The following BICC1 variants were observed in gnomAD, a reference collection of about 807,000 sequenced individuals.
BICC1 encodes the protein BicC family RNA binding protein 1.
BICC1 carries 43 observed loss-of-function variants against 111.0 expected under a neutral mutation model. The ratio of observed to expected loss-of-function variants is 0.39; its 90% CI spans 0.30 to 0.50. BICC1 has a LOEUF of 0.50. Among genes scored for constraint, BICC1 ranks in the 20% least tolerant of loss-of-function variants. The pLI is 0.88. For synonymous variants in BICC1, 467 were observed against 434.4 expected, an observed-to-expected ratio of 1.07 and a Z score of -0.93; for missense variants, 1,091 against 1,203.2, an observed-to-expected ratio of 0.91 and a Z score of 1.38.
intron 3 of BICC1, among the ~76,000 whole-genome samples, chr10:58,774,950 T>C (rs747124933): frequency 1.3e-5 from 2 of 152,222 alleles, no homozygotes; most frequent in Non-Finnish European, 2.9e-5. Flanking sequence ...CAGAAGATCA[T>C]CTTTCTTGTT....
intron 2 of BICC1, among the ~76,000 whole-genome samples, chr10:58,691,731 C>T (rs1461601727): frequency 2.6e-5 from 4 of 152,204 alleles, no homozygotes; most frequent in Non-Finnish European, 5.9e-5. Flanking sequence ...CCATTTTCCA[C>T]AGCCCTCGCT....
intron 3 of BICC1, among the ~76,000 whole-genome samples, chr10:58,730,154 G>A (rs1841242796): frequency 1.3e-5 from 2 of 152,186 alleles, no homozygotes; most frequent in Admixed American, 6.5e-5. Context: ...TGAAGGTATA[G>A]GCATTAGGTA....
At chr10:58,527,934 CAG>C (rs2131845068) in intron 1 of BICC1, among the ~76,000 whole-genome samples, 1 of 152,034 alleles carries the variant, frequency 6.6e-6, no homozygotes, top group East Asian at 1.9e-4. Flanking sequence ...CTTTACAAAA[CAG>C]AATAATAATA....
intron 1 of BICC1, among the ~76,000 whole-genome samples, chr10:58,565,929 C>G (rs868092679): frequency 6.6e-6 from 1 of 152,152 alleles, no homozygotes; most frequent in South Asian, 2.1e-4. Context: ...GCACTGCACA[C>G]TGTACCCAAT....
intron 3 of BICC1, among the ~76,000 whole-genome samples, chr10:58,750,033 A>G (rs1356436919): frequency 1.3e-5 from 2 of 152,140 alleles, no homozygotes; most frequent in Admixed American, 1.3e-4. Flanking sequence ...GGTGTTTGAC[A>G]TGGACTTTGA....
chr10:58,745,602 G>GCGC (rs1554827822), intron 3 of BICC1, among the ~76,000 whole-genome samples: 1 of 78,696 alleles, frequency 1.3e-5, no homozygotes, highest in Non-Finnish European at 2.3e-5. Context: ...GCCCCCCACC[G>GCGC]CCCCCCCCCC....
rs151173136 is a variant in BICC1 at position 58,699,393 on chromosome 10, A to T, written c.238-2681A>T. ...ATGGCAGTTACCTGCTGCTCTTAGG[A>T]TATTTTCTCTGGCATATTATTTTCT... is the stretch of plus-strand genomic sequence containing the variant. On this transcript the variant is annotated intron_variant, in intron 2 of 20. Transcript: ENST00000373886. 7.0e-3 allele frequency among the ~76,000 whole-genome samples: 1,065 copies of T among 152,264 alleles called. 11 individuals carry two copies. The highest frequency in any genetic ancestry group is 0.024 in the African/African-American group (1,008 of 41,546).
chr10:58,716,084 G>A, intron 3 of BICC1: 2 of 1,488,212 alleles, frequency 1.3e-6, no homozygotes, highest in South Asian at 2.4e-5. Flanking sequence ...AAAGGACTCA[G>A]CAAAAAGAGA....
chr10:58,715,500 C>A, intron 3 of BICC1: 1 of 1,050,760 alleles, frequency 9.5e-7, no homozygotes, highest in Non-Finnish European at 1.5e-6. Context: ...CCTCTTCGGC[C>A]ATCTCTCTGG....
At chr10:58,796,755 CTATTT>C (rs1843367638) in intron 10 of BICC1, among the ~76,000 whole-genome samples, 2 of 152,028 alleles carry the variant, frequency 1.3e-5, no homozygotes, top group Admixed American at 1.3e-4. Context: ...CAAGGTCTGA[CTATTT>C]TATTTTCGGT....
intron 17 of BICC1, among the ~76,000 whole-genome samples, chr10:58,812,482 CTTT>C (rs113293082): frequency 3.5e-5 from 5 of 142,036 alleles, no homozygotes; most frequent in Admixed American, 1.4e-4. Flanking sequence ...CTTTTCTTTT[CTTT>C]TTTTTTTTTT....
intron 1 of BICC1, among the ~76,000 whole-genome samples, chr10:58,563,696 A>G (rs989097924): frequency 6.6e-6 from 1 of 152,194 alleles, no homozygotes; most frequent in Non-Finnish European, 1.5e-5. Context: ...GCTTTTGACT[A>G]CATGTACTTT....
At chr10:58,604,608 C>T (rs947213908) in intron 1 of BICC1, among the ~76,000 whole-genome samples, 1 of 152,128 alleles carries the variant, frequency 6.6e-6, no homozygotes, top group African/African-American at 2.4e-5. Flanking sequence ...TTGCAGTGAG[C>T]TGAGATCACG....
At chr10:58,669,322 A>G (rs571461621) in intron 2 of BICC1, among the ~76,000 whole-genome samples, 84 of 152,214 alleles carry the variant, frequency 5.5e-4, no homozygotes, top group Non-Finnish European at 1.0e-3. Context: ...GTATACAGGA[A>G]TGCTTGCCAT....
chr10:58,759,688 G>A (rs11006253), intron 3 of BICC1, among the ~76,000 whole-genome samples: 35,544 of 152,066 alleles, frequency 0.23, 4,925 homozygotes, highest in East Asian at 0.46. Flanking sequence ...GGCCTGGCGC[G>A]GTGGCTCACA....
intron 3 of BICC1, among the ~76,000 whole-genome samples, chr10:58,770,206 G>T (rs1020973444): frequency 2.6e-5 from 4 of 152,114 alleles, no homozygotes; most frequent in South Asian, 4.2e-4. Context: ...AGAAATGTTA[G>T]GAATTTGTGG....
At chr10:58,528,376 A>C (rs768880309) in intron 1 of BICC1, among the ~76,000 whole-genome samples, 2 of 151,940 alleles carry the variant, frequency 1.3e-5, no homozygotes, top group Non-Finnish European at 2.9e-5. Flanking sequence ...AAGCGAGGTT[A>C]ATGTTAATTA....
chr10:58,583,257 G>A (rs1844330411), intron 1 of BICC1, among the ~76,000 whole-genome samples: 1 of 151,630 alleles, frequency 6.6e-6, no homozygotes, highest in African/African-American at 2.4e-5. Context: ...TAGGTTTTTG[G>A]GGAACCTTGG....
intron 2 of BICC1, among the ~76,000 whole-genome samples, chr10:58,688,636 C>A (rs548190174): frequency 5.3e-4 from 81 of 152,268 alleles, no homozygotes; most frequent in African/African-American, 1.8e-3. Flanking sequence ...ACCCGAAATG[C>A]CCATCAATGA....
Sources: allele counts gnomAD v4.1 joint callset (sites outside exome capture counted in the v4.1 genomes callset), GRCh38; gene constraint gnomAD v4.1.1; transcripts MANE v1.5; gene names NCBI Gene and HGNC (gene_info 2026-07-23, HGNC 2026-07-21).